USF2: variants seen among roughly 807,000 people sequenced by gnomAD.
The protein encoded by USF2 is upstream transcription factor 2, c-fos interacting, also known as upstream stimulatory factor 2.
Under a neutral mutation model 46.9 loss-of-function variants are expected in USF2, and 16 were observed. That is an observed-to-expected ratio of 0.34 (90% confidence interval 0.23 to 0.52). The LOEUF (loss-of-function observed/expected upper bound fraction) is 0.52, where lower values mean the gene tolerates loss of function less well. Among genes scored for constraint, USF2 ranks in the 20% least tolerant of loss-of-function variants. The pLI is 0.96. For missense variants in USF2, 411 were observed against 474.0 expected (o/e 0.87, Z 1.23); for synonymous variants, 239 against 194.1 (o/e 1.23, Z -1.92).
rs995847619 is a variant in USF2, at chr19:35,269,954, G to T, written c.380G>T (p.Gly127Val). ...VGVDGAAQRP[G>V]PAAASVPPGP... ...GTGGACGGGGCAGCCCAGCGCCCGG[G>T]CCCCGCCGCTGCCTCTGTGCCCCCA... The change falls in exon 4 of 10, where the codon GGC becomes GTC. Residue 127 changes from glycine (G) to valine (V), a missense_variant. Around this residue, in one of 2 missense-constraint regions of USF2, gnomAD observed 318 missense variants for 322.4 expected, o/e 0.99. Coordinates refer to ENST00000222305, the MANE Select transcript of USF2 (RefSeq NM_003367.4). 1.5e-6 allele frequency: 2 copies of T among 1,341,550 alleles called. No individual in the cohort carries two copies. Among genetic ancestry groups the T allele is most frequent in the African/African-American group, 3.1e-5 (2 of 64,892 alleles). 83.1% of individuals were successfully genotyped at this position (1,341,550 alleles called of 1,614,324 possible).
intron 7 of USF2, chr19:35,277,630 CT>C (rs1185916846): frequency 6.6e-6 from 1 of 152,268 alleles, no homozygotes; most frequent in Non-Finnish European, 1.5e-5. Context: ...AAAAGACCCC[CT>C]GGCCTTCCTG....
chr19:35,269,904 G>A lies in USF2; in HGVS notation c.330G>A (p.Gly110=). 1 of 1,385,548 alleles carries A rather than the reference G, an allele frequency of 7.2e-7. No homozygotes were observed. The highest frequency in any genetic ancestry group is 9.3e-7 in the Non-Finnish European group (1 of 1,078,392). The allele number at this position is 1,385,548 out of a possible 1,614,324, so 85.8% of individuals were successfully genotyped here. Residue 110 remains glycine (G), a synonymous_variant, in exon 4 of 10, where the codon GGG becomes GGA. Coordinates refer to ENST00000222305, the MANE Select transcript of USF2 (RefSeq NM_003367.4). ...TGTCCACCGCTGCCTTCGCGGGGGG[G>A]CAGCAGGCTGTGACCCAGGTGGGTG... The part of the protein sequence containing the change: ...SVVSTAAFAG[G]QQAVTQVGVD...
Position 35,279,286 on chromosome 19 carries a change from C to T in USF2, c.*30C>T, listed in dbSNP as rs1171609207. ...CGCCACCACCACGCAGCCGCCGCCG[C>T]CCACGCCGGCCTCTGCTGCCCCCTT... On this transcript the variant is annotated 3_prime_UTR_variant, in exon 10 of 10. Transcript: ENST00000222305. 1.4e-6 allele frequency: 2 copies of T among 1,474,042 alleles called. No individual in the cohort carries two copies. Among genetic ancestry groups the T allele is most frequent in the South Asian group, 1.4e-5 (1 of 73,052 alleles). 91.3% of individuals were successfully genotyped at this position (1,474,042 alleles called of 1,614,324 possible). A position where few individuals can be genotyped will look rare whatever the true frequency, so the allele number is the denominator to read the frequency against.
chr19:35,276,160 C>T (rs751599182), intron 7 of USF2, among the ~76,000 whole-genome samples: 3 of 150,796 alleles, frequency 2.0e-5, no homozygotes, highest in Non-Finnish European at 4.4e-5. Context: ...CAACCTCCAC[C>T]TCTTGGGTTC....
intron 7 of USF2, among the ~76,000 whole-genome samples, chr19:35,271,765 C>T (rs925611958): frequency 1.3e-5 from 2 of 152,362 alleles, no homozygotes; most frequent in African/African-American, 4.8e-5. Flanking sequence ...AACCATCATT[C>T]AACAAATATT....
chr19:35,278,923 C>T, intron 8 of USF2, 23 bp from the exon 9 acceptor site: 1 of 1,562,226 alleles, frequency 6.4e-7, no homozygotes, highest in Non-Finnish European at 8.7e-7. Context: ...TGCCCTAAGG[C>T]TCCTGGTCCC....
intron 7 of USF2, among the ~76,000 whole-genome samples, chr19:35,273,913 G>A (rs914912649): frequency 1.3e-5 from 2 of 152,294 alleles, no homozygotes; most frequent in Non-Finnish European, 2.9e-5. Context: ...CGATGGGCTC[G>A]GAAGCTCTTG....
At chr19:35,275,589 G>C (rs2066222786) in intron 7 of USF2, among the ~76,000 whole-genome samples, 1 of 151,892 alleles carries the variant, frequency 6.6e-6, no homozygotes, top group African/African-American at 2.4e-5. Flanking sequence ...CATCCCACTG[G>C]GATATGTTGT....
chr19:35,271,241 C>T (rs1369006409), intron 7 of USF2, 100 bp downstream of exon 7: 1 of 1,460,864 alleles, frequency 6.8e-7, no homozygotes, highest in Non-Finnish European at 9.5e-7. Flanking sequence ...CACTCCTGGG[C>T]AGGCCACAAG....
At chr19:35,269,392 C>T in intron 1 of USF2, 54 bp from the exon 2 acceptor site, 2 of 1,315,718 alleles carry the variant, frequency 1.5e-6, no homozygotes, top group South Asian at 1.9e-5. Context: ...GGCGCGGGGG[C>T]GGGGGCGCGG....
rs2145565438 is a variant in USF2 at position 35,269,361 on chromosome 19, G to A, written c.63-85G>A. On this transcript the variant is annotated intron_variant, in intron 1 of 9. Coordinates refer to ENST00000222305, the MANE Select transcript of USF2 (RefSeq NM_003367.4). ...CCCCCGGCCTCAGGCGCGGCCGGGT[G>A]GGACTGGGGCCCTGCAGCTGGGCGC... The A allele has an allele frequency of 4.4e-6, 5 of 1,135,376 alleles. No homozygotes were observed. In the South Asian group the frequency reaches 1.9e-4, roughly 44 times the overall value. 70.3% of individuals were successfully genotyped at this position (1,135,376 alleles called of 1,614,324 possible). A position where few individuals can be genotyped will look rare whatever the true frequency, so the allele number is the denominator to read the frequency against.
In USF2 at chr19:35,270,701, C is replaced by G; in HGVS notation, c.581-17C>G. ...ACTTCACCCTGCCTTGCCACTAACCCCCCACTCTCCCTGCAGGCCAGTTCT... is the reference window on the plus strand; with the variant it reads ...ACTTCACCCTGCCTTGCCACTAACCGCCCACTCTCCCTGCAGGCCAGTTCT... On this transcript the variant is annotated splice_polypyrimidine_tract_variant and intron_variant, in intron 5 of 9. Coordinates refer to ENST00000222305, the MANE Select transcript of USF2 (RefSeq NM_003367.4). 2 of 1,613,962 alleles carry G rather than the reference C, an allele frequency of 1.2e-6. No homozygotes were observed. Among genetic ancestry groups the G allele is most frequent in the Non-Finnish European group, 1.7e-6 (2 of 1,179,952 alleles).
chr19:35,270,166 TG>T, intron 4 of USF2, 163 bp downstream of exon 4: 18 of 982,282 alleles, frequency 1.8e-5, no homozygotes, highest in Non-Finnish European at 2.6e-5. Flanking sequence ...CCGTGAAACC[TG>T]GGGACAGTGC....
At chr19:35,269,324 G>T in intron 1 of USF2, 122 bp from the exon 2 acceptor site, 1 of 919,568 alleles carries the variant, frequency 1.1e-6, no homozygotes, top group African/African-American at 1.8e-5. Context: ...CCGGCCCCCG[G>T]CCTCGGCGGC....
At chr19:35,271,045 G>A (rs769782727) in intron 6 of USF2, 38 bp from the exon 7 acceptor site, 38 of 1,611,756 alleles carry the variant, frequency 2.4e-5, no homozygotes, top group East Asian at 4.5e-5. Flanking sequence ...ACAGCTCTGC[G>A]ATAATACATG....
At chr19:35,270,034 G>C in intron 4 of USF2, 31 bp downstream of exon 4, 1 of 1,349,548 alleles carries the variant, frequency 7.4e-7, no homozygotes, top group Non-Finnish European at 9.5e-7. Flanking sequence ...GGGTGGGGGG[G>C]GGAGGGAGTG....
rs201354338 is a variant in USF2 at position 35,278,821 on chromosome 19, G to A, written c.822+29G>A. 2.2e-5 allele frequency: 35 copies of A among 1,613,392 alleles called. No homozygotes were observed. The East Asian group carries it at 4.2e-4, about 20-fold the overall frequency. On this transcript the variant is annotated intron_variant, in intron 8 of 9. Transcript: ENST00000222305. ...AGCACCCCGGACCCTCAGTGTCTGCGGTGGTCCCGGCCCCCGACCCTTGCA... is the reference window on the plus strand; with the variant it reads ...AGCACCCCGGACCCTCAGTGTCTGCAGTGGTCCCGGCCCCCGACCCTTGCA...
chr19:35,276,772 C>T (rs1033092592), intron 7 of USF2, among the ~76,000 whole-genome samples: 7 of 152,190 alleles, frequency 4.6e-5, no homozygotes, highest in African/African-American at 9.7e-5. Flanking sequence ...CATGGCTCGG[C>T]GCCTGGCGTT....
At position 35,279,714 on chromosome 19, in the gene USF2, G is replaced by T. The variant is rs376042432; in HGVS notation, c.*458G>T. 5.6e-4 allele frequency: 100 copies of T among 177,830 alleles called. No individual in the cohort carries two copies. Among genetic ancestry groups the T allele is most frequent in the African/African-American group, 2.3e-3 (96 of 42,580 alleles). The allele number at this position is 177,830 out of a possible 1,614,324, so 11.0% of individuals were successfully genotyped here. ...TTCTGGGTCCCTGCTCCCCTTTGGGGGTGTGTGTGTGTGTTTTAATTTTCT... is the reference window on the plus strand; with the variant it reads ...TTCTGGGTCCCTGCTCCCCTTTGGGTGTGTGTGTGTGTGTTTTAATTTTCT... On this transcript the variant is annotated 3_prime_UTR_variant, in exon 10 of 10. Coordinates refer to ENST00000222305, the MANE Select transcript of USF2 (RefSeq NM_003367.4).
Sources: gnomAD v4.1 joint callset for allele counts (sites outside exome capture counted in the v4.1 genomes callset) on GRCh38, gnomAD v4.1.1 for gene constraint, gnomAD v4.1.1 regional missense constraint, MANE v1.5 for transcripts, NCBI Gene and HGNC (gene_info 2026-07-23, HGNC 2026-07-21) for gene names.